The following STAT5B variants were observed in gnomAD, a reference collection of about 807,000 sequenced individuals.
STAT5B encodes signal transducer and activator of transcription 5B.
In STAT5B, 21 loss-of-function variants were observed where a neutral mutation model predicts 107.8. The ratio of observed to expected loss-of-function variants is 0.19; its 90% CI spans 0.14 to 0.28. The LOEUF is 0.28. STAT5B is among the 10% of genes least tolerant of loss of function. STAT5B has a pLI of 1.00. For missense variants in STAT5B, 565 were observed against 1,008.2 expected, an observed-to-expected ratio of 0.56 and a Z score of 5.95; for synonymous variants, 325 against 401.7, an observed-to-expected ratio of 0.81 and a Z score of 2.28.
rs768477548 is a variant in STAT5B at position 42,200,629 on chromosome 17, A to G, written c.*1109T>C. ...CTACTCTTCAAGACATTAGGTGTGA[A>G]CAGAGAAGGGGAATGAGGTGACCTG... On this transcript the variant is annotated 3_prime_UTR_variant, in exon 19 of 19. Transcript: ENST00000293328. 1 of 153,886 alleles carries G rather than the reference A, an allele frequency of 6.5e-6. No individual in the cohort carries two copies. The highest frequency in any genetic ancestry group is 1.5e-5 in the Non-Finnish European group (1 of 68,840). 9.5% of individuals were successfully genotyped at this position (153,886 alleles called of 1,614,324 possible).
intron 7 of STAT5B, among the ~76,000 whole-genome samples, chr17:42,219,110 A>T (rs2080200554): frequency 6.6e-6 from 1 of 152,158 alleles, no homozygotes; most frequent in Admixed American, 6.5e-5. Flanking sequence ...ACCCTGTCCC[A>T]TCTCCAGGAC....
intron 1 of STAT5B, among the ~76,000 whole-genome samples, chr17:42,262,978 A>G (rs1401552302): frequency 2.3e-3 from 75 of 32,636 alleles, no homozygotes; most frequent in African/African-American, 6.2e-3. Context: ...GTGTATATAT[A>G]TATATATATA....
intron 9 of STAT5B, 190 bp from the exon 10 acceptor site, chr17:42,217,654 C>G: frequency 1.6e-6 from 1 of 642,016 alleles, no homozygotes; most frequent in South Asian, 1.8e-5. Flanking sequence ...GAAACAAGAT[C>G]AAACTATCTT....
At chr17:42,202,285 C>T (rs2144193184) in intron 18 of STAT5B, 55 bp downstream of exon 18, 1 of 1,607,542 alleles carries the variant, frequency 6.2e-7, no homozygotes, top group East Asian at 2.2e-5. Flanking sequence ...GGGGTCCAGC[C>T]TGGGGCCAAG....
chr17:42,268,553 A>ATT (rs1449786725), intron 1 of STAT5B: 2 of 152,202 alleles, frequency 1.3e-5, no homozygotes, highest in Non-Finnish European at 2.9e-5. Flanking sequence ...GACTATTTAC[A>ATT]TTGTATCCTT....
intron 1 of STAT5B, among the ~76,000 whole-genome samples, chr17:42,239,574 T>C (rs555646210): frequency 6.6e-6 from 1 of 152,330 alleles, no homozygotes; most frequent in South Asian, 2.1e-4. Flanking sequence ...GCTAAGCACT[T>C]AGTATATTAC....
intron 15 of STAT5B, among the ~76,000 whole-genome samples, chr17:42,208,313 T>C (rs148697748): frequency 0.012 from 1,803 of 151,916 alleles, 28 homozygotes; most frequent in African/African-American, 0.042. Context: ...CCAGCCTGGC[T>C]AACATGATGA....
At chr17:42,270,405 G>A (rs1273074912) in intron 1 of STAT5B, 2 of 152,098 alleles carry the variant, frequency 1.3e-5, no homozygotes, top group African/African-American at 4.8e-5. Flanking sequence ...CCACTACATT[G>A]GCACAAATGA....
chr17:42,221,818 GAGAAGATAAAGAGTAAATAAGTAGTATC>G (rs2080228485), intron 5 of STAT5B, among the ~76,000 whole-genome samples: 1 of 152,188 alleles, frequency 6.6e-6, no homozygotes, highest in Non-Finnish European at 1.5e-5. Context: ...TATTCCAGTG[GAGAAGATAAAGAGTAAATAAGTAGTATC>G]ACTATAGACA....
chr17:42,208,484 C>A (rs1162734539), intron 15 of STAT5B, among the ~76,000 whole-genome samples: 2 of 150,756 alleles, frequency 1.3e-5, no homozygotes, highest in Non-Finnish European at 3.0e-5. Flanking sequence ...TGACAGAGAC[C>A]CCATCTCAAA....
Position 42,260,086 on chromosome 17 carries a change from C to T in STAT5B, c.-11+16162G>A, listed in dbSNP as rs558521900. On this transcript the variant is annotated intron_variant, in intron 1 of 18. Transcript: ENST00000293328. ...GGTAGCCTCTAGCAGCATGTGCTACCTAAGCACTTGAAATGTAGCTAGTGC... is the reference window on the plus strand; with the variant it reads ...GGTAGCCTCTAGCAGCATGTGCTACTTAAGCACTTGAAATGTAGCTAGTGC... Among the ~76,000 whole-genome samples the T allele has an allele frequency of 3.3e-5, 5 of 152,308 alleles. No individual in the cohort carries two copies. The South Asian group carries it at 8.3e-4, about 25-fold the overall frequency.
chr17:42,224,233 C>G (rs2080254702), intron 4 of STAT5B, among the ~76,000 whole-genome samples: 1 of 152,134 alleles, frequency 6.6e-6, no homozygotes, highest in African/African-American at 2.4e-5. Flanking sequence ...CATGCCTTTA[C>G]TAAAAAATTA....
chr17:42,222,985 GA>G (rs977285806), intron 5 of STAT5B, among the ~76,000 whole-genome samples: 12 of 152,014 alleles, frequency 7.9e-5, no homozygotes, highest in Non-Finnish European at 1.6e-4. Flanking sequence ...TGCCCAGCCA[GA>G]AAAATTTTTA....
Position 42,274,264 on chromosome 17 carries a change from T to C in STAT5B, c.-11+1984A>G, listed in dbSNP as rs530121424. On this transcript the variant is annotated intron_variant, in intron 1 of 18. Transcript: ENST00000293328. ...TGGTGATAGAAATCAACTTTTTTTTTCTGATGGTTTGCTTTACAAAAAAAA... is the reference window on the plus strand; with the variant it reads ...TGGTGATAGAAATCAACTTTTTTTTCCTGATGGTTTGCTTTACAAAAAAAA... Among the ~76,000 whole-genome samples the C allele has an allele frequency of 2.7e-5, 4 of 145,642 alleles. No homozygotes were observed. In the South Asian group the frequency reaches 6.5e-4, roughly 24 times the overall value.
At position 42,220,910 on chromosome 17, in the gene STAT5B, C is replaced by T. The variant is rs890344214; in HGVS notation, c.551-1068G>A. Among the ~76,000 whole-genome samples, 4 of 152,058 alleles carry T rather than the reference C, an allele frequency of 2.6e-5. No individual in the cohort carries two copies. The South Asian group carries it at 8.3e-4, about 32-fold the overall frequency. ...GTTACAACCACCACCGCAGGCCCAC[C>T]CCACCCTCCCAGCGACAGCCCGTCT... On this transcript the variant is annotated intron_variant, in intron 5 of 18. Coordinates refer to ENST00000293328, the MANE Select transcript of STAT5B (RefSeq NM_012448.4).
chr17:42,226,636 C>T (rs1255232407), intron 3 of STAT5B, among the ~76,000 whole-genome samples: 1 of 151,390 alleles, frequency 6.6e-6, no homozygotes, highest in Non-Finnish European at 1.5e-5. Flanking sequence ...GGAGAAACCC[C>T]ATCTCTACTA....
At chr17:42,227,815 C>T (rs2080286604) in intron 2 of STAT5B, 130 bp from the exon 3 acceptor site, 2 of 916,866 alleles carry the variant, frequency 2.2e-6, no homozygotes, top group East Asian at 5.3e-5. Flanking sequence ...TTTTAAGAAA[C>T]AGCCCAACAG....
At chr17:42,208,215 GTAGGGGC>G in intron 15 of STAT5B, among the ~76,000 whole-genome samples, 1 of 152,086 alleles carries the variant, frequency 6.6e-6, no homozygotes, top group East Asian at 2.0e-4. Context: ...AAAGCCATGG[GTAGGGGC>G]CAGGCATGTT....
intron 3 of STAT5B, among the ~76,000 whole-genome samples, chr17:42,225,797 A>G (rs1419192846): frequency 6.6e-6 from 1 of 152,178 alleles, no homozygotes; most frequent in African/African-American, 2.4e-5. Flanking sequence ...ATCAGGATGC[A>G]GAACCCATGG....
Sources: allele counts gnomAD v4.1 joint callset (sites outside exome capture counted in the v4.1 genomes callset), GRCh38; gene constraint gnomAD v4.1.1; transcripts MANE v1.5; gene names NCBI Gene and HGNC (gene_info 2026-07-23, HGNC 2026-07-21).